Variants in RNF115 observed in about 807,000 individuals in gnomAD.
RNF115 encodes ring finger protein 115, also known as E3 ubiquitin-protein ligase RNF115.
A neutral mutation model predicts 39.2 loss-of-function variants in RNF115; 31 were observed. That is an observed-to-expected ratio of 0.79 (90% CI 0.59 to 1.07). The LOEUF (loss-of-function observed/expected upper bound fraction) is 1.07. RNF115 is among the 50% of genes least tolerant of loss of function. The probability of loss-of-function intolerance (pLI) is 0.00; values close to 1 mark genes in which losing one functional copy is unlikely to be tolerated. For missense variants in RNF115, 384 were observed against 381.7 expected, an observed-to-expected ratio of 1.01 and a Z score of -0.05; for synonymous variants, 124 against 131.0, an observed-to-expected ratio of 0.95 and a Z score of 0.37.
chr1:145,764,223 T>G (rs587700338), intron 4 of RNF115, among the ~76,000 whole-genome samples: 6 of 152,206 alleles, frequency 3.9e-5, no homozygotes, highest in African/African-American at 1.2e-4. Flanking sequence ...GTGCTCAATG[T>G]TGCCCAGGCT....
At chr1:145,789,284 G>A (rs1433179072) in intron 1 of RNF115, among the ~76,000 whole-genome samples, 1 of 152,038 alleles carries the variant, frequency 6.6e-6, no homozygotes, top group African/African-American at 2.4e-5. Flanking sequence ...ATTTTTTGTA[G>A]AGGATGAGGT....
intron 1 of RNF115, among the ~76,000 whole-genome samples, chr1:145,819,601 C>T (rs1465317531): frequency 1.3e-5 from 2 of 152,194 alleles, no homozygotes; most frequent in Admixed American, 1.3e-4. Context: ...TTCCCTAACC[C>T]ATTCCATGAG....
At chr1:145,783,625 C>A (rs782654471) in intron 3 of RNF115, among the ~76,000 whole-genome samples, 2 of 152,092 alleles carry the variant, frequency 1.3e-5, no homozygotes, top group Non-Finnish European at 2.9e-5. Flanking sequence ...TAACTTATTT[C>A]TTCCTTTTAG....
At chr1:145,760,168 T>A (rs1658445472) in intron 4 of RNF115, among the ~76,000 whole-genome samples, 1 of 152,128 alleles carries the variant, frequency 6.6e-6, no homozygotes, top group South Asian at 2.1e-4. Flanking sequence ...CCAGGCAGAG[T>A]GGCTCACACC....
chr1:145,775,332 ATAAC>A (rs1470886720), intron 3 of RNF115, among the ~76,000 whole-genome samples: 5 of 152,230 alleles, frequency 3.3e-5, no homozygotes, highest in East Asian at 3.9e-4. Flanking sequence ...ATTAACAACA[ATAAC>A]TAATAATAAA....
Position 145,811,932 on chromosome 1 carries a change from T to TAC in RNF115, c.102+11838_102+11839dup, listed in dbSNP as rs1312542136. Among the ~76,000 whole-genome samples the TAC allele has an allele frequency of 8.4e-3, 621 of 73,862 alleles. 12 individuals carry two copies. The highest frequency in any genetic ancestry group is 0.017 in the Middle Eastern group (3 of 180). The allele number at this position is 73,862 out of a possible 152,430, so 48.5% of individuals were successfully genotyped here. On this transcript the variant is annotated intron_variant, in intron 1 of 8. Coordinates refer to ENST00000582693, the MANE Select transcript of RNF115 (RefSeq NM_014455.4). ...AAATATATATATATATATATATATA[T>TAC]ACACACACACACATATATGTAGAAA...
At chr1:145,765,306 T>A (rs587622954) in intron 4 of RNF115, among the ~76,000 whole-genome samples, 1 of 152,128 alleles carries the variant, frequency 6.6e-6, no homozygotes, top group East Asian at 1.9e-4. Flanking sequence ...GCCCTCTGCC[T>A]AGGAAAACCA....
At chr1:145,771,268 C>A in intron 4 of RNF115, among the ~76,000 whole-genome samples, 1 of 152,276 alleles carries the variant, frequency 6.6e-6, no homozygotes, top group African/African-American at 2.4e-5. Flanking sequence ...AGTGTGGCAC[C>A]TTTCTTTCTT....
intron 1 of RNF115, among the ~76,000 whole-genome samples, chr1:145,822,708 C>A: frequency 6.7e-6 from 1 of 150,122 alleles, no homozygotes; most frequent in Non-Finnish European, 1.5e-5. Context: ...ACAACCCAAC[C>A]CAAAACAGTT....
intron 2 of RNF115, among the ~76,000 whole-genome samples, chr1:145,785,122 T>A (rs587710661): frequency 7.2e-5 from 11 of 152,190 alleles, no homozygotes; most frequent in Non-Finnish European, 1.6e-4. Flanking sequence ...AAATGCTACC[T>A]CCTCCATCAA....
At chr1:145,795,150 G>A (rs1421378335) in intron 1 of RNF115, among the ~76,000 whole-genome samples, 1 of 152,052 alleles carries the variant, frequency 6.6e-6, no homozygotes, top group Non-Finnish European at 1.5e-5. Flanking sequence ...GACCTTCGCA[G>A]GGAGTGTTAC....
chr1:145,811,368 A>AAAG (rs1418640149), intron 1 of RNF115, among the ~76,000 whole-genome samples: 1 of 148,250 alleles, frequency 6.7e-6, no homozygotes, highest in African/African-American at 2.5e-5. Flanking sequence ...AAAAAAAAAA[A>AAAG]AAAAAAAGAA....
Position 145,788,980 on chromosome 1 carries a change from G to A in RNF115, c.103-14C>T, listed in dbSNP as rs1648516671. ...ACATATATATTCCTATAAAAGAAAGGAAGAAACAAATAAAACTTTTTCATT... is the reference window on the plus strand; with the variant it reads ...ACATATATATTCCTATAAAAGAAAGAAAGAAACAAATAAAACTTTTTCATT... On this transcript the variant is annotated splice_polypyrimidine_tract_variant and intron_variant, in intron 1 of 8. Transcript: ENST00000582693. 2 of 1,552,730 alleles carry A rather than the reference G, an allele frequency of 1.3e-6. No individual in the cohort carries two copies. Among genetic ancestry groups the A allele is most frequent in the Non-Finnish European group, 1.8e-6 (2 of 1,131,896 alleles).
rs953129344 is a variant in RNF115 at position 145,767,999 on chromosome 1, A to T, written c.428+3712T>A. ...AGAGGGAGAGGGAGACCGTGGGGAG[A>T]GGGAGAGGGAGAGGGAGAGGGAGCC... On this transcript the variant is annotated intron_variant, in intron 4 of 8. Coordinates refer to ENST00000582693, the MANE Select transcript of RNF115 (RefSeq NM_014455.4). 4.9e-3 allele frequency among the ~76,000 whole-genome samples: 740 copies of T among 151,422 alleles called. 35 individuals carry two copies. In the East Asian group the frequency reaches 0.11, roughly 22 times the overall value.
Position 145,746,288 on chromosome 1 carries a change from T to G in RNF115, c.*578A>C, listed in dbSNP as rs979668400. The G allele has an allele frequency of 2.6e-5, 4 of 152,142 alleles. No individual in the cohort carries two copies. In the East Asian group the frequency reaches 7.7e-4, roughly 29 times the overall value. 9.4% of individuals were successfully genotyped at this position (152,142 alleles called of 1,614,324 possible). The stretch of plus-strand genomic sequence containing the variant: ...AAAGCACACAATGATAAACCACTTT[T>G]CTCTTCTTGCTGTAATTTTTCTTTG... On this transcript the variant is annotated 3_prime_UTR_variant, in exon 9 of 9. Transcript: ENST00000582693.
At chr1:145,798,935 T>C (rs890256734) in intron 1 of RNF115, among the ~76,000 whole-genome samples, 3 of 152,268 alleles carry the variant, frequency 2.0e-5, no homozygotes, top group Non-Finnish European at 4.4e-5. Flanking sequence ...GTTAATGGAA[T>C]TGTTTTCTTA....
At chr1:145,774,593 C>T (rs1337003929) in intron 3 of RNF115, among the ~76,000 whole-genome samples, 1 of 152,106 alleles carries the variant, frequency 6.6e-6, no homozygotes, top group Non-Finnish European at 1.5e-5. Flanking sequence ...TCAAGTGATC[C>T]GCCCACCTCG....
intron 1 of RNF115, among the ~76,000 whole-genome samples, chr1:145,811,908 A>AAAAATATATAT (rs1553722706): frequency 1.8e-5 from 1 of 55,152 alleles, no homozygotes; most frequent in African/African-American, 5.7e-5. Context: ...AAAAAAAAAA[A>AAAAATATATAT]ATATATATAT....
At chr1:145,752,367 C>T (rs1485690262) in intron 5 of RNF115, among the ~76,000 whole-genome samples, 1 of 152,060 alleles carries the variant, frequency 6.6e-6, no homozygotes, top group Non-Finnish European at 1.5e-5. Context: ...AGATACCAAG[C>T]CTGGCAGGGA....
Sources: allele counts gnomAD v4.1 joint callset (sites outside exome capture counted in the v4.1 genomes callset), GRCh38; gene constraint gnomAD v4.1.1; transcripts MANE v1.5; gene names NCBI Gene and HGNC (gene_info 2026-07-23, HGNC 2026-07-21).